Variants in ZNF679 observed in about 807,000 individuals in gnomAD.
ZNF679 encodes the protein zinc finger protein 679.
In ZNF679, 10 loss-of-function variants were observed where a neutral mutation model predicts 13.4. The ratio of observed to expected loss-of-function variants is 0.75; its 90% CI spans 0.46 to 1.27. ZNF679 has a LOEUF of 1.27. ZNF679 is among the 50% of genes most tolerant of loss of function. ZNF679 has a pLI of 0.00. For synonymous variants in ZNF679, 179 were observed against 162.5 expected (o/e 1.10, Z -0.77); for missense variants, 525 against 477.8 (o/e 1.10, Z -0.92).
At chr7:64,230,997 G>A (rs573591378) in intron 1 of ZNF679, among the ~76,000 whole-genome samples, 21 of 152,312 alleles carry the variant, frequency 1.4e-4, no homozygotes, top group Admixed American at 3.3e-4. Context: ...GCAGTGACTG[G>A]GCTGTGTCCA....
chr7:64,231,523 G>T (rs749881740), intron 1 of ZNF679, among the ~76,000 whole-genome samples: 2 of 152,014 alleles, frequency 1.3e-5, no homozygotes, highest in Non-Finnish European at 1.5e-5. Flanking sequence ...CTTGGCTTAG[G>T]CCAGGGAGCA....
intron 1 of ZNF679, among the ~76,000 whole-genome samples, chr7:64,230,572 CAAGAA>C (rs941661623): frequency 2.0e-5 from 3 of 151,780 alleles, no homozygotes; most frequent in Non-Finnish European, 2.9e-5. Flanking sequence ...AGAAAAGGGC[CAAGAA>C]CAGGAGAGTA....
intron 1 of ZNF679, among the ~76,000 whole-genome samples, chr7:64,238,920 A>C (rs6460128): frequency 6.6e-6 from 1 of 152,054 alleles, no homozygotes; most frequent in East Asian, 1.9e-4. Context: ...AAAGAGAGAG[A>C]TTTAGACTCT....
Position 64,232,988 on chromosome 7 carries a change from C to T in ZNF679, c.-91+4336C>T, listed in dbSNP as rs1173445922. 3.3e-5 allele frequency among the ~76,000 whole-genome samples: 5 copies of T among 152,194 alleles called. No homozygotes were observed. The South Asian group carries it at 1.0e-3, about 32-fold the overall frequency. On this transcript the variant is annotated intron_variant, in intron 1 of 4. Coordinates refer to ENST00000421025, the MANE Select transcript of ZNF679 (RefSeq NM_153363.3). ...GGGTGTGCTGGTTCACCCCTGTAAT[C>T]CTGGCACTTTGGGATGCTGAGGCAG...
chr7:64,234,218 C>T (rs1328012125), intron 1 of ZNF679, among the ~76,000 whole-genome samples: 1 of 152,188 alleles, frequency 6.6e-6, no homozygotes, highest in East Asian at 1.9e-4. Flanking sequence ...ATCACTATGA[C>T]CATCAGAATG....
intron 2 of ZNF679, among the ~76,000 whole-genome samples, chr7:64,252,464 T>C (rs1021414706): frequency 3.9e-5 from 6 of 152,224 alleles, no homozygotes; most frequent in African/African-American, 1.4e-4. Context: ...AGAGTGAGCA[T>C]AGAAGTTTTC....
intron 4 of ZNF679, among the ~76,000 whole-genome samples, chr7:64,265,455 C>T (rs1260622138): frequency 6.6e-6 from 1 of 152,148 alleles, no homozygotes; most frequent in Non-Finnish European, 1.5e-5. Context: ...GGTGTCATTT[C>T]AAAGCATACT....
chr7:64,246,947 G>T (rs1459562105), intron 1 of ZNF679, among the ~76,000 whole-genome samples: 2 of 152,168 alleles, frequency 1.3e-5, no homozygotes, highest in Non-Finnish European at 2.9e-5. Flanking sequence ...TAAACAAGGG[G>T]TGGATTGTTC....
intron 1 of ZNF679, among the ~76,000 whole-genome samples, chr7:64,236,906 A>G (rs574761550): frequency 0.024 from 3,149 of 129,676 alleles, 74 homozygotes; most frequent in Admixed American, 0.065. Context: ...GAAAAAGAAA[A>G]AAAGAAAGAA....
chr7:64,252,039 C>T (rs1787950372), intron 2 of ZNF679, among the ~76,000 whole-genome samples: 1 of 152,114 alleles, frequency 6.6e-6, no homozygotes, highest in Non-Finnish European at 1.5e-5. Flanking sequence ...AGGAAAAAAA[C>T]TATTTCTAAA....
At chr7:64,230,884 C>T (rs36083209) in intron 1 of ZNF679, among the ~76,000 whole-genome samples, 1 of 152,202 alleles carries the variant, frequency 6.6e-6, no homozygotes, top group East Asian at 1.9e-4. Flanking sequence ...CACACGTGTG[C>T]TGAATATATG....
chr7:64,235,787 CAAGAAAGAAAGA>C (rs71060565), intron 1 of ZNF679, among the ~76,000 whole-genome samples: 90 of 142,842 alleles, frequency 6.3e-4, no homozygotes, highest in Non-Finnish European at 1.2e-3. Flanking sequence ...GAAACCCCGT[CAAGAAAGAAAGA>C]AAGAAAGAAA....
chr7:64,258,095 A>C (rs1788026831), intron 2 of ZNF679, among the ~76,000 whole-genome samples: 1 of 149,660 alleles, frequency 6.7e-6, no homozygotes, highest in Admixed American at 6.8e-5. Context: ...ACTGTAAAGA[A>C]CATTGCTGGA....
rs756188982 is a variant in ZNF679 at position 64,265,960 on chromosome 7, A to G, written c.327A>G (p.Lys109=). Residue 109 remains lysine, a synonymous_variant, in exon 5 of 5, where the codon AAA becomes AAG. Transcript: ENST00000421025. ...TAGGCATAAAAGATTCACTCCAAAA[A>G]GTAATACCAAGAAGATATGGAAAAA... ...PELGIKDSLQ[K]VIPRRYGKSG... is the part of the protein sequence containing the mutation. 3.7e-6 allele frequency: 6 copies of G among 1,613,790 alleles called. No homozygotes were observed. In the South Asian group the frequency reaches 6.6e-5, roughly 18 times the overall value.
At chr7:64,239,459 A>G (rs945852814) in intron 1 of ZNF679, among the ~76,000 whole-genome samples, 1 of 152,168 alleles carries the variant, frequency 6.6e-6, no homozygotes, top group African/African-American at 2.4e-5. Flanking sequence ...TAACTGTGAC[A>G]TGCACTTCTA....
intron 2 of ZNF679, among the ~76,000 whole-genome samples, chr7:64,259,473 A>G (rs1307118133): frequency 6.6e-6 from 1 of 152,180 alleles, no homozygotes; most frequent in African/African-American, 2.4e-5. Flanking sequence ...TGCTAACATA[A>G]ACAGGATGGC....
chr7:64,244,909 G>A (rs1787846274), intron 1 of ZNF679, among the ~76,000 whole-genome samples: 1 of 152,196 alleles, frequency 6.6e-6, no homozygotes, highest in South Asian at 2.1e-4. Context: ...TATGCTGGAT[G>A]GTAGAAACCA....
Position 64,266,147 on chromosome 7 carries a change from A to G in ZNF679, c.514A>G (p.Asn172Asp). The change falls in exon 5 of 5, where the codon AAT becomes GAT. Residue 172 changes from asparagine (N) to aspartate (D), a missense_variant. Physicochemically the swap from Asn to Asp is conservative, Grantham distance 23 (BLOSUM62 1). Transcript: ENST00000421025. ...AGTCTTCGGCAAATTTTCAAATTCCAATAGACATAAGACAAGACATACTGG... is the reference window on the plus strand; with the variant it reads ...AGTCTTCGGCAAATTTTCAAATTCCGATAGACATAAGACAAGACATACTGG... ...VKVFGKFSNS[N>D]RHKTRHTGKK... is the part of the protein sequence containing the mutation. The G allele has an allele frequency of 4.4e-6, 7 of 1,605,398 alleles. No homozygotes were observed. Among genetic ancestry groups the G allele is most frequent in the Non-Finnish European group, 6.0e-6 (7 of 1,174,774 alleles).
chr7:64,249,231 C>G, intron 2 of ZNF679, 75 bp downstream of exon 2: 1 of 1,612,810 alleles, frequency 6.2e-7, no homozygotes. Context: ...TGTAGCAGGA[C>G]CCAAACTTCC....
Sources: gnomAD v4.1 joint callset for allele counts (sites outside exome capture counted in the v4.1 genomes callset) on GRCh38, gnomAD v4.1.1 for gene constraint, MANE v1.5 for transcripts, NCBI Gene and HGNC (gene_info 2026-07-23, HGNC 2026-07-21) for gene names.